CDH12: variants seen among roughly 807,000 people sequenced by gnomAD.
CDH12 encodes the protein cadherin 12, also known as cadherin-12.
Under a neutral mutation model 74.1 loss-of-function variants are expected in CDH12, and 41 were observed. That is an observed-to-expected ratio of 0.55 (90% CI 0.43 to 0.72). The LOEUF is 0.72. Among genes scored for constraint, CDH12 ranks in the 30% least tolerant of loss-of-function variants. The pLI, the probability that CDH12 is intolerant of heterozygous loss-of-function variation, is 0.00. For missense variants in CDH12, 945 were observed against 977.2 expected (o/e 0.97, Z 0.44); for synonymous variants, 399 against 355.0 (o/e 1.12, Z -1.39).
intron 1 of CDH12, among the ~76,000 whole-genome samples, chr5:22,798,882 G>A (rs1748364787): frequency 2.0e-5 from 3 of 152,038 alleles, no homozygotes. Flanking sequence ...GGGAGGTGGA[G>A]GTAGCCAGAT....
intron 1 of CDH12, among the ~76,000 whole-genome samples, chr5:22,783,150 G>A (rs2126354734): frequency 6.6e-6 from 1 of 152,154 alleles, no homozygotes; most frequent in Admixed American, 6.5e-5. Flanking sequence ...TAGGACCTAG[G>A]CTCAAAACTG....
chr5:21,908,083 G>A (rs759043513), intron 6 of CDH12, among the ~76,000 whole-genome samples: 89 of 152,176 alleles, frequency 5.8e-4, no homozygotes, highest in Non-Finnish European at 7.1e-4. Flanking sequence ...TTAGGTTGAG[G>A]AAAGGTAGTG....
intron 8 of CDH12, among the ~76,000 whole-genome samples, chr5:21,819,629 T>C (rs1391497865): frequency 6.6e-6 from 1 of 151,964 alleles, no homozygotes; most frequent in Non-Finnish European, 1.5e-5. Context: ...TGGAAGTCGA[T>C]GTTGAATAGT....
At chr5:22,027,903 T>C (rs1738490117) in intron 5 of CDH12, among the ~76,000 whole-genome samples, 1 of 152,138 alleles carries the variant, frequency 6.6e-6, no homozygotes, top group African/African-American at 2.4e-5. Flanking sequence ...TTAATTGTGA[T>C]TTTAGGGTGT....
intron 1 of CDH12, among the ~76,000 whole-genome samples, chr5:22,745,449 T>G (rs970682287): frequency 6.6e-6 from 1 of 152,158 alleles, no homozygotes; most frequent in Non-Finnish European, 1.5e-5. Flanking sequence ...ATCATTCTAT[T>G]TTGAAGACAC....
chr5:21,799,859 G>A (rs1175084333), intron 10 of CDH12, among the ~76,000 whole-genome samples: 1 of 152,168 alleles, frequency 6.6e-6, no homozygotes, highest in African/African-American at 2.4e-5. Flanking sequence ...CTGCACATGA[G>A]TGAGGACACT....
chr5:22,558,099 G>C (rs271086), intron 1 of CDH12, among the ~76,000 whole-genome samples: 25,009 of 152,006 alleles, frequency 0.16, 2,115 homozygotes, highest in Middle Eastern at 0.23. Context: ...TCAGGAAAGA[G>C]AAAAAGATTA....
intron 6 of CDH12, among the ~76,000 whole-genome samples, chr5:21,960,710 TACAC>T (rs545298103): frequency 6.6e-6 from 1 of 151,900 alleles, no homozygotes; most frequent in Non-Finnish European, 1.5e-5. Flanking sequence ...TACACACACA[TACAC>T]ACACGCACAT....
chr5:22,357,879 C>T (rs189960696), intron 3 of CDH12, among the ~76,000 whole-genome samples: 227 of 152,162 alleles, frequency 1.5e-3, no homozygotes, highest in Non-Finnish European at 2.6e-3. Context: ...GATAAAAGTT[C>T]TTATTTAAAA....
At chr5:22,799,226 A>G (rs895784005) in intron 1 of CDH12, among the ~76,000 whole-genome samples, 1 of 152,230 alleles carries the variant, frequency 6.6e-6, no homozygotes, top group African/African-American at 2.4e-5. Context: ...TGTAGAAAAT[A>G]AATTTCTAAG....
intron 3 of CDH12, among the ~76,000 whole-genome samples, chr5:22,370,694 G>A (rs1414158535): frequency 6.6e-6 from 1 of 152,100 alleles, no homozygotes; most frequent in Non-Finnish European, 1.5e-5. Flanking sequence ...AAGGAGAGAT[G>A]AAATAGGACC....
intron 3 of CDH12, among the ~76,000 whole-genome samples, chr5:22,352,019 C>A (rs1740374746): frequency 6.6e-6 from 1 of 152,060 alleles, no homozygotes; most frequent in Admixed American, 6.6e-5. Flanking sequence ...TTTGATGCCA[C>A]TATTTACTTT....
At chr5:22,261,963 T>A (rs1265073158) in intron 3 of CDH12, among the ~76,000 whole-genome samples, 1 of 152,008 alleles carries the variant, frequency 6.6e-6, no homozygotes, top group Non-Finnish European at 1.5e-5. Context: ...AGAAAGAAAC[T>A]GTCATGTTAC....
At chr5:22,033,126 T>C (rs1738939642) in intron 5 of CDH12, among the ~76,000 whole-genome samples, 1 of 151,978 alleles carries the variant, frequency 6.6e-6, no homozygotes, top group Non-Finnish European at 1.5e-5. Context: ...ACAATGAGTA[T>C]AAATGTGGAA....
rs112626207 is a variant in CDH12 at position 22,538,344 on chromosome 5, A to T, written c.-522-32980T>A. 8.8e-3 allele frequency among the ~76,000 whole-genome samples: 1,336 copies of T among 152,304 alleles called. 19 individuals are homozygous for T. Among genetic ancestry groups the T allele is most frequent in the African/African-American group, 0.028 (1,183 of 41,556 alleles). Reference sequence around the variant, plus strand: ...TCAGGCAAATTCTTCAAATACCTTTAAGCAAGATGGATTAGTCTCTCCACC... The same window carrying T: ...TCAGGCAAATTCTTCAAATACCTTTTAGCAAGATGGATTAGTCTCTCCACC... On this transcript the variant is annotated intron_variant, in intron 1 of 14. Transcript: ENST00000382254.
At chr5:22,111,852 C>T (rs1424427583) in intron 4 of CDH12, among the ~76,000 whole-genome samples, 2 of 152,102 alleles carry the variant, frequency 1.3e-5, no homozygotes, top group East Asian at 1.9e-4. Context: ...TACACGGGTA[C>T]TATAATTTTT....
chr5:22,434,770 T>G (rs1328691059), intron 2 of CDH12, among the ~76,000 whole-genome samples: 1 of 152,210 alleles, frequency 6.6e-6, no homozygotes, highest in Admixed American at 6.5e-5. Flanking sequence ...TGTGTGCTTT[T>G]TTTTTCTTAA....
At chr5:22,775,508 T>G (rs897191908) in intron 1 of CDH12, among the ~76,000 whole-genome samples, 1 of 152,056 alleles carries the variant, frequency 6.6e-6, no homozygotes, top group Non-Finnish European at 1.5e-5. Flanking sequence ...AAAATTAAAA[T>G]ATTAAATAAT....
intron 1 of CDH12, among the ~76,000 whole-genome samples, chr5:22,526,528 T>C (rs1418788142): frequency 6.6e-6 from 1 of 152,180 alleles, no homozygotes; most frequent in East Asian, 1.9e-4. Flanking sequence ...AATAGCTGCA[T>C]GTCAGGTATT....
Sources: allele counts gnomAD v4.1 joint callset (sites outside exome capture counted in the v4.1 genomes callset), GRCh38; gene constraint gnomAD v4.1.1; transcripts MANE v1.5; gene names NCBI Gene and HGNC (gene_info 2026-07-23, HGNC 2026-07-21).